Variants in PLCG2 observed in about 807,000 individuals in gnomAD.
PLCG2 encodes the protein phospholipase C gamma 2.
Under a neutral mutation model 175.6 loss-of-function variants are expected in PLCG2, and 69 were observed. The ratio of observed to expected loss-of-function variants is 0.39; its 90% confidence interval spans 0.32 to 0.48. The LOEUF is 0.48. PLCG2 is among the 20% of genes least tolerant of loss of function. The pLI is 0.91. For synonymous variants in PLCG2, 827 were observed against 624.0 expected (o/e 1.33, Z -4.85); for missense variants, 1,798 against 1,650.9 (o/e 1.09, Z -1.54).
chr16:81,896,099 A>G (rs964211177), intron 13 of PLCG2, among the ~76,000 whole-genome samples, 172 bp downstream of exon 13: 3 of 151,786 alleles, frequency 2.0e-5, no homozygotes, highest in African/African-American at 7.3e-5. Context: ...GAGTGTTGGC[A>G]CCCCCTGCAG....
At chr16:81,890,738 AT>A (rs1012347343) in intron 10 of PLCG2, among the ~76,000 whole-genome samples, 26 of 151,144 alleles carry the variant, frequency 1.7e-4, no homozygotes, top group African/African-American at 5.1e-4. Context: ...TCGCTAAAGC[AT>A]TTTTTTTTAA....
At chr16:81,750,288 C>T (rs979261038) in intron 1 of PLCG2, among the ~76,000 whole-genome samples, 9 of 151,840 alleles carry the variant, frequency 5.9e-5, no homozygotes, top group East Asian at 1.9e-4. Context: ...GACATGGTGG[C>T]GGGCATCCGT....
rs1240238560 is a variant in PLCG2, at chr16:81,848,765, G to T, written c.194-5679G>T. On this transcript the variant is annotated intron_variant, in intron 2 of 32. Transcript: ENST00000564138. ...GGGTGGAGCTCAGTGGTGAAGAAGG[G>T]TGTACAATCCCTGCGTGTATGGAGC... Among the ~76,000 whole-genome samples, 4 of 152,172 alleles carry T rather than the reference G, an allele frequency of 2.6e-5. No homozygotes were observed. The South Asian group carries it at 8.3e-4, about 32-fold the overall frequency.
Position 81,959,370 on chromosome 16 carries a change from G to T in PLCG2, c.*1372G>T, listed in dbSNP as rs1213809006. The T allele has an allele frequency of 4.5e-6, 1 of 221,752 alleles. No individual in the cohort carries two copies. Among genetic ancestry groups the T allele is most frequent in the Non-Finnish European group, 9.0e-6 (1 of 110,898 alleles). 13.7% of individuals were successfully genotyped at this position (221,752 alleles called of 1,614,324 possible). The stretch of plus-strand genomic sequence containing the variant: ...AGAACAAATCAGGCTCTGACCAGAA[G>T]ATCCTTCTGGTCCCTTCACTCTACA... On this transcript the variant is annotated 3_prime_UTR_variant, in exon 33 of 33. Transcript: ENST00000564138.
intron 2 of PLCG2, among the ~76,000 whole-genome samples, chr16:81,838,960 A>G (rs1323595854): frequency 1.3e-5 from 2 of 152,056 alleles, no homozygotes; most frequent in South Asian, 2.1e-4. Context: ...TGAGTCTTGC[A>G]TGGCTAATTG....
chr16:81,947,025 C>A (rs1200311470), intron 31 of PLCG2, among the ~76,000 whole-genome samples: 1 of 152,122 alleles, frequency 6.6e-6, no homozygotes, highest in East Asian at 1.9e-4. Flanking sequence ...AACCCCTCCG[C>A]AGACACTTCA....
chr16:81,805,767 G>GTTTTTTTGTTTTTTTT (rs1911983342), intron 2 of PLCG2, among the ~76,000 whole-genome samples: 1 of 39,520 alleles, frequency 2.5e-5, no homozygotes, highest in African/African-American at 1.2e-4. Context: ...GTTTTGTTTT[G>GTTTTTTTGTTTTTTTT]TTTTTTTTTT....
chr16:81,853,769 A>G (rs1242404195), intron 2 of PLCG2, among the ~76,000 whole-genome samples: 2 of 152,126 alleles, frequency 1.3e-5, no homozygotes, highest in Non-Finnish European at 2.9e-5. Flanking sequence ...CTGGCTATAT[A>G]AGGCATAAAT....
At chr16:81,915,068 C>G (rs908946877) in intron 19 of PLCG2, among the ~76,000 whole-genome samples, 1 of 152,212 alleles carries the variant, frequency 6.6e-6, no homozygotes, top group African/African-American at 2.4e-5. Flanking sequence ...TGAAGCGTCA[C>G]TGTCCTTCAC....
chr16:81,922,677 T>C (rs1202001596), intron 21 of PLCG2, among the ~76,000 whole-genome samples: 1 of 152,210 alleles, frequency 6.6e-6, no homozygotes, highest in Non-Finnish European at 1.5e-5. Flanking sequence ...GGAAAAATTT[T>C]ACTAGGTTCC....
At chr16:81,748,789 C>A (rs1909751713) in intron 1 of PLCG2, among the ~76,000 whole-genome samples, 1 of 152,210 alleles carries the variant, frequency 6.6e-6, no homozygotes, top group South Asian at 2.1e-4. Flanking sequence ...ATATCTGTTT[C>A]CACATCTTAT....
Position 81,883,053 on chromosome 16 carries a change from C to G in PLCG2, c.693-216C>G, listed in dbSNP as rs182239049. On this transcript the variant is annotated intron_variant, in intron 8 of 32. Transcript: ENST00000564138. ...TAAATGTAGACACCAGGGCCTGCCC[C>G]TTGAGATTCCGATGTCAGGGTCCCT... is the stretch of plus-strand genomic sequence containing the variant. Among the ~76,000 whole-genome samples the G allele has an allele frequency of 2.4e-3, 359 of 152,264 alleles. 3 individuals carry two copies. Among genetic ancestry groups the G allele is most frequent in the Admixed American group, 0.02 (312 of 15,286 alleles).
chr16:81,773,558 C>G (rs1241490227), intron 2 of PLCG2, among the ~76,000 whole-genome samples: 1 of 152,154 alleles, frequency 6.6e-6, no homozygotes, highest in African/African-American at 2.4e-5. Context: ...TTGCTCTTGG[C>G]TTTCAACTGG....
chr16:81,774,550 G>C (rs888003636), upstream of PLCG2, among the ~76,000 whole-genome samples: 15 of 152,054 alleles, frequency 9.9e-5, no homozygotes, highest in Non-Finnish European at 1.5e-4. Context: ...GTGCTTCTCT[G>C]AACAATGTTG....
intron 10 of PLCG2, 155 bp downstream of exon 10, chr16:81,889,428 T>C: frequency 1.7e-6 from 1 of 572,746 alleles, no homozygotes; most frequent in Non-Finnish European, 3.2e-6. Context: ...TTTTCTTTTC[T>C]TTTCTTTTTT....
At chr16:81,857,282 G>A (rs185639904) in intron 3 of PLCG2, among the ~76,000 whole-genome samples, 18 of 152,280 alleles carry the variant, frequency 1.2e-4, no homozygotes, top group African/African-American at 4.1e-4. Context: ...CTGAGCAGCT[G>A]GGGTTGAGAA....
intron 4 of PLCG2, among the ~76,000 whole-genome samples, chr16:81,858,700 G>GTTT (rs1423683262): frequency 1.6e-4 from 24 of 152,106 alleles, no homozygotes; most frequent in Admixed American, 1.3e-4. Context: ...ACAGATACAG[G>GTTT]GTCTGGAATT....
chr16:81,854,310 G>C, intron 2 of PLCG2, 134 bp from the exon 3 acceptor site: 1 of 791,206 alleles, frequency 1.3e-6, no homozygotes, highest in Admixed American at 2.1e-5. Context: ...ACTGAGTCCA[G>C]ACGCAGAGAT....
At position 81,937,830 on chromosome 16, in the gene PLCG2, G is replaced by C. The variant is rs114262189; in HGVS notation, c.3125G>C (p.Ser1042Thr). 2,626 of 1,614,016 alleles carry C rather than the reference G, an allele frequency of 1.6e-3. 40 individuals carry two copies. The African/African-American group carries it at 0.031, about 19-fold the overall frequency. ...GRTGYVLQPE[S>T]MRTEKYDPMP... is the part of the protein sequence containing the mutation. ...ACGGGCTACGTTCTGCAGCCTGAGA[G>C]CATGAGGACAGAGAAATATGACCCG... The change falls in exon 28 of 33, where the codon AGC becomes ACC. Residue 1042 changes from serine to threonine, a missense_variant. By Grantham distance (58) the Ser-to-Thr change is moderately conservative. Coordinates refer to ENST00000564138, the MANE Select transcript of PLCG2 (RefSeq NM_002661.5).
Sources: allele counts gnomAD v4.1 joint callset (sites outside exome capture counted in the v4.1 genomes callset), GRCh38; gene constraint gnomAD v4.1.1; transcripts MANE v1.5; gene names NCBI Gene and HGNC (gene_info 2026-07-23, HGNC 2026-07-21).